The following AGBL1 variants were observed in gnomAD, a reference collection of about 807,000 sequenced individuals.
AGBL1 encodes the protein AGBL carboxypeptidase 1.
AGBL1 carries 130 observed loss-of-function variants against 118.9 expected under a neutral mutation model. The ratio of observed to expected loss-of-function variants is 1.09; its 90% CI spans 0.95 to 1.26. The LOEUF (loss-of-function observed/expected upper bound fraction) is 1.26. Ranked by LOEUF, AGBL1 falls within the 50% of genes most tolerant of loss-of-function variation. AGBL1 has a pLI of 0.00. For missense variants in AGBL1, 1,584 were observed against 1,298.1 expected, an observed-to-expected ratio of 1.22 and a Z score of -3.38; for synonymous variants, 555 against 478.9, an observed-to-expected ratio of 1.16 and a Z score of -2.08.
chr15:86,154,332 C>T lies in AGBL1; in HGVS notation c.263-98C>T. 7 of 1,352,840 alleles carry T rather than the reference C, an allele frequency of 5.2e-6. No homozygotes were observed. In the South Asian group the frequency reaches 8.9e-5, roughly 17 times the overall value. 83.8% of individuals were successfully genotyped at this position (1,352,840 alleles called of 1,614,324 possible). The stretch of plus-strand genomic sequence containing the variant: ...GAAAAATGTCTTTGGCTATGATTAT[C>T]CTCCTCCTTCACCATCTTCCCCTTC... On this transcript the variant is annotated intron_variant, in intron 3 of 22. Coordinates refer to ENST00000614907, the MANE Select transcript of AGBL1 (RefSeq NM_001386094.1).
intron 24 of AGBL1, among the ~76,000 whole-genome samples, chr15:86,990,376 G>A (rs185592265): frequency 2.6e-5 from 4 of 152,166 alleles, no homozygotes; most frequent in East Asian, 1.9e-4. Context: ...TTAGCCACGC[G>A]TGTGGCAGGT....
intron 18 of AGBL1, among the ~76,000 whole-genome samples, chr15:86,436,290 G>A (rs531091978): frequency 5.3e-4 from 80 of 151,736 alleles, no homozygotes; most frequent in Non-Finnish European, 8.1e-4. Flanking sequence ...AGAGTCAGGT[G>A]GGGGAGAAAG....
At chr15:86,375,099 A>G (rs1046914743) in intron 17 of AGBL1, among the ~76,000 whole-genome samples, 3 of 152,156 alleles carry the variant, frequency 2.0e-5, no homozygotes, top group Non-Finnish European at 4.4e-5. Flanking sequence ...TTTTGGTCAG[A>G]CCCAAGGCAG....
At chr15:86,162,359 C>T (rs2077278706) in intron 5 of AGBL1, among the ~76,000 whole-genome samples, 1 of 152,104 alleles carries the variant, frequency 6.6e-6, no homozygotes, top group Non-Finnish European at 1.5e-5. Flanking sequence ...TTAGACCTGC[C>T]CTACTTCTCT....
At chr15:87,026,261 A>G (rs2081725653) in intron 24 of AGBL1, among the ~76,000 whole-genome samples, 1 of 152,106 alleles carries the variant, frequency 6.6e-6, no homozygotes, top group South Asian at 2.1e-4. Flanking sequence ...TACATCTAAC[A>G]AAGGGCTAAT....
At chr15:87,030,088 C>A (rs2081769825), downstream of AGBL1, among the ~76,000 whole-genome samples, 1 of 151,296 alleles carries the variant, frequency 6.6e-6, no homozygotes, top group Non-Finnish European at 1.5e-5. Context: ...TTAAACTAAA[C>A]TTAAGGTATC....
chr15:86,434,516 T>A (rs2081976478), intron 18 of AGBL1, among the ~76,000 whole-genome samples: 1 of 152,228 alleles, frequency 6.6e-6, no homozygotes, highest in Non-Finnish European at 1.5e-5. Flanking sequence ...CCATTACTTA[T>A]TAGCCTCTGG....
intron 5 of AGBL1, among the ~76,000 whole-genome samples, chr15:86,220,239 A>G (rs139228065): frequency 5.9e-4 from 90 of 152,330 alleles, no homozygotes; most frequent in African/African-American, 2.1e-3. Flanking sequence ...GGCATGAGCC[A>G]TCAAGTCCAG....
At chr15:86,187,761 A>G (rs756580376) in intron 5 of AGBL1, among the ~76,000 whole-genome samples, 4 of 152,180 alleles carry the variant, frequency 2.6e-5, no homozygotes, top group Non-Finnish European at 4.4e-5. Context: ...TGCTCAACCA[A>G]TGCACTATCC....
intron 21 of AGBL1, among the ~76,000 whole-genome samples, chr15:86,570,441 C>A (rs1232153172): frequency 6.6e-6 from 1 of 152,156 alleles, no homozygotes; most frequent in African/African-American, 2.4e-5. Flanking sequence ...ACAGCTGCTA[C>A]CTTTATGGGT....
intron 22 of AGBL1, among the ~76,000 whole-genome samples, chr15:86,710,533 T>C (rs540737190): frequency 6.6e-6 from 1 of 152,296 alleles, no homozygotes; most frequent in Admixed American, 6.5e-5. Context: ...CAGCGTAGAT[T>C]TGTGAAAATA....
chr15:86,520,663 C>G (rs1368892159), intron 18 of AGBL1, among the ~76,000 whole-genome samples: 1 of 152,056 alleles, frequency 6.6e-6, no homozygotes, highest in African/African-American at 2.4e-5. Context: ...TTCATTTATA[C>G]AAGCAGAAAT....
chr15:86,549,320 G>A (rs2083631773), intron 20 of AGBL1, among the ~76,000 whole-genome samples: 1 of 152,082 alleles, frequency 6.6e-6, no homozygotes, highest in South Asian at 2.1e-4. Context: ...AACAGAGAGT[G>A]GAAGTCTTAT....
At chr15:86,763,182 C>T (rs1355758954) in intron 22 of AGBL1, among the ~76,000 whole-genome samples, 1 of 151,960 alleles carries the variant, frequency 6.6e-6, no homozygotes, top group Admixed American at 6.6e-5. Flanking sequence ...AAAACTATAA[C>T]AATAATACTA....
chr15:86,188,778 A>G (rs955972408), intron 5 of AGBL1, among the ~76,000 whole-genome samples: 1 of 152,220 alleles, frequency 6.6e-6, no homozygotes, highest in Non-Finnish European at 1.5e-5. Flanking sequence ...GTTGCTGGCC[A>G]TAGAAAAGAT....
chr15:86,410,939 TTA>T (rs1205940083), intron 18 of AGBL1, among the ~76,000 whole-genome samples: 2 of 95,752 alleles, frequency 2.1e-5, no homozygotes, highest in Non-Finnish European at 4.2e-5. Context: ...ATAACATATA[TTA>T]TATATATATA....
intron 23 of AGBL1, among the ~76,000 whole-genome samples, chr15:86,930,749 A>G (rs1470354790): frequency 6.6e-6 from 1 of 152,178 alleles, no homozygotes; most frequent in Non-Finnish European, 1.5e-5. Context: ...GATCCCTCTT[A>G]GGGGCCTGCC....
chr15:86,738,420 GA>G (rs71947851), intron 22 of AGBL1, among the ~76,000 whole-genome samples: 10 of 150,734 alleles, frequency 6.6e-5, no homozygotes, highest in East Asian at 2.0e-4. Context: ...ATCCAAATTG[GA>G]AAAAAAAAGA....
chr15:86,694,283 T>C (rs947283312), intron 22 of AGBL1, among the ~76,000 whole-genome samples: 7 of 152,142 alleles, frequency 4.6e-5, no homozygotes, highest in African/African-American at 1.7e-4. Context: ...AGCAGTGTTT[T>C]GGAGTTTTCC....
Sources: allele counts gnomAD v4.1 joint callset (sites outside exome capture counted in the v4.1 genomes callset), GRCh38; gene constraint gnomAD v4.1.1; transcripts MANE v1.5; gene names NCBI Gene and HGNC (gene_info 2026-07-23, HGNC 2026-07-21).